The following PROSER2 variants were observed in gnomAD, a reference collection of about 807,000 sequenced individuals.
PROSER2 encodes proline and serine-rich protein 2.
Under a neutral mutation model 14.6 loss-of-function variants are expected in PROSER2, and 18 were observed. The ratio of observed to expected loss-of-function variants is 1.23; its 90% CI spans 0.85 to 1.83. PROSER2 has a LOEUF of 1.83. Ranked by LOEUF, PROSER2 falls within the 40% of genes most tolerant of loss-of-function variation. PROSER2 has a pLI of 0.00. For missense variants in PROSER2, 823 were observed against 629.8 expected, an observed-to-expected ratio of 1.31 and a Z score of -3.28; for synonymous variants, 367 against 286.4, an observed-to-expected ratio of 1.28 and a Z score of -2.84.
intron 2 of PROSER2, among the ~76,000 whole-genome samples, chr10:11,858,190 A>G (rs1196401875): frequency 6.6e-6 from 1 of 152,132 alleles, no homozygotes; most frequent in Admixed American, 6.6e-5. Flanking sequence ...TCGGCCTCTC[A>G]GAGTGCTAGG....
intron 1 of PROSER2, among the ~76,000 whole-genome samples, chr10:11,828,676 C>G (rs1206060075): frequency 1.3e-5 from 2 of 152,184 alleles, no homozygotes; most frequent in Non-Finnish European, 2.9e-5. Flanking sequence ...ACACTCCAAC[C>G]TGGACGACAG....
rs148477384 is a variant in PROSER2, at chr10:11,866,529, A to G, written c.139-2A>G. ...CTTCTGTTCCCAATCCCTGTACTCTAGGATGATGAGAGCCTGAAGTACCTC... is the reference window on the plus strand; with the variant it reads ...CTTCTGTTCCCAATCCCTGTACTCTGGGATGATGAGAGCCTGAAGTACCTC... On this transcript the variant is annotated splice_acceptor_variant, in intron 2 of 3. Transcript: ENST00000277570. LOFTEE classifies it high-confidence loss of function. The surrounding 1 kb of genome is among the most constrained non-coding windows in gnomAD (Gnocchi z 6.0). 6.8e-6 allele frequency: 11 copies of G among 1,613,916 alleles called. No individual in the cohort carries two copies. In the South Asian group the frequency reaches 1.1e-4, roughly 16 times the overall value.
In PROSER2 at chr10:11,870,450, A is replaced by G. The variant is rs1490465446; in HGVS notation, c.*44A>G. The G allele has an allele frequency of 3.6e-6, 5 of 1,385,670 alleles. No individual in the cohort carries two copies. In the South Asian group the frequency reaches 4.7e-5, roughly 13 times the overall value. 85.8% of individuals were successfully genotyped at this position (1,385,670 alleles called of 1,614,324 possible). A position where few individuals can be genotyped will look rare whatever the true frequency, so the allele number is the denominator to read the frequency against. On this transcript the variant is annotated 3_prime_UTR_variant, in exon 4 of 4. Coordinates refer to ENST00000277570, the MANE Select transcript of PROSER2 (RefSeq NM_153256.4). ...TCCACCCCGTTTCTCCCCACCCTGA[A>G]GAGAGGGTGAAAGAGTCGCTGCACC... is the stretch of plus-strand genomic sequence containing the variant.
chr10:11,866,668 G>A lies in PROSER2; in HGVS notation c.276G>A (p.Pro92=), dbSNP rs61735192. 6.9e-4 allele frequency: 1,109 copies of A among 1,614,124 alleles called. 5 individuals carry two copies. In the African/African-American group the frequency reaches 0.011, roughly 16 times the overall value. The change falls in exon 3 of 4, where the codon CCG becomes CCA. Residue 92 remains proline, a synonymous_variant. Transcript: ENST00000277570. The surrounding 1 kb of genome is among the most constrained non-coding windows in gnomAD (Gnocchi z 6.0). ...GAGGAGTGTGCTGCCTCTGCTCCCC[G>A]TCTCTGGAGGAGAGCACCTCCAGTC... ...CDGGVCCLCS[P]SLEESTSSPS... is the part of the protein sequence containing the mutation.
Position 11,866,756 on chromosome 10 carries a change from G to T in PROSER2, c.364G>T (p.Gly122Cys). 1.9e-6 allele frequency: 3 copies of T among 1,612,662 alleles called. No individual in the cohort carries two copies. Among genetic ancestry groups the T allele is most frequent in the African/African-American group, 2.7e-5 (2 of 75,010 alleles). ...AGCACCTGGCGCCGGGGAAGCCGAG[G>T]GCCTTCCAGAGGGGACCCAGGCAGC... is the stretch of plus-strand genomic sequence containing the variant. ...QPAPGAGEAE[G>C]LPEGTQAAGP... The change falls in exon 3 of 4, where the codon GGC (glycine) becomes TGC (cysteine). Residue 122 changes from glycine to cysteine, a missense_variant. Transcript: ENST00000277570. The surrounding 1 kb of genome is among the most constrained non-coding windows in gnomAD (Gnocchi z 6.0).
chr10:11,827,826 G>A (rs968419194), intron 1 of PROSER2, among the ~76,000 whole-genome samples: 3 of 151,838 alleles, frequency 2.0e-5, no homozygotes, highest in African/African-American at 4.8e-5. Flanking sequence ...CTACGGGTGC[G>A]TGCCACCATG....
chr10:11,845,626 C>G (rs549950208), intron 1 of PROSER2, among the ~76,000 whole-genome samples: 1 of 152,264 alleles, frequency 6.6e-6, no homozygotes, highest in South Asian at 2.1e-4. Context: ...CACTCGGTAG[C>G]TGTTAGCACC....
At chr10:11,833,235 CTTTTTTTT>C (rs5783233) in intron 1 of PROSER2, among the ~76,000 whole-genome samples, 2 of 87,668 alleles carry the variant, frequency 2.3e-5, no homozygotes, top group East Asian at 5.2e-4. Context: ...AATGTTGTGG[CTTTTTTTT>C]TTTTTTTTTT....
At chr10:11,835,553 A>G (rs1324085123) in intron 1 of PROSER2, among the ~76,000 whole-genome samples, 2 of 152,296 alleles carry the variant, frequency 1.3e-5, no homozygotes, top group South Asian at 4.1e-4. Context: ...GTTTCCTTCA[A>G]TTTATGAATT....
rs913169080 is a variant in PROSER2 at position 11,823,925 on chromosome 10, C to G, written c.-82+455C>G. On this transcript the variant is annotated intron_variant, in intron 1 of 3. Coordinates refer to ENST00000277570, the MANE Select transcript of PROSER2 (RefSeq NM_153256.4). This position sits in a 1 kb window ranked among gnomAD's most constrained non-coding sequence, Gnocchi z 6.2. Reference sequence around the variant, plus strand: ...GGCGGGCGGAGCCACCTGTTCCACCCGGGCCCCCAGGTCCTGGAATCACGC... The same window carrying G: ...GGCGGGCGGAGCCACCTGTTCCACCGGGGCCCCCAGGTCCTGGAATCACGC... Among the ~76,000 whole-genome samples, 1 of 152,158 alleles carries G rather than the reference C, an allele frequency of 6.6e-6. No homozygotes were observed. The highest frequency in any genetic ancestry group is 1.5e-5 in the Non-Finnish European group (1 of 68,018).
At chr10:11,833,140 G>A (rs560519919) in intron 1 of PROSER2, among the ~76,000 whole-genome samples, 14 of 151,358 alleles carry the variant, frequency 9.2e-5, no homozygotes, top group African/African-American at 2.2e-4. Flanking sequence ...CATTGTACCC[G>A]GCTGGTTTTA....
chr10:11,826,016 A>G (rs963057048), intron 1 of PROSER2, among the ~76,000 whole-genome samples: 1 of 152,026 alleles, frequency 6.6e-6, no homozygotes, highest in Non-Finnish European at 1.5e-5. Context: ...AAGGAAACCC[A>G]TTAAGCAGAC....
intron 1 of PROSER2, among the ~76,000 whole-genome samples, chr10:11,846,250 G>A (rs569676022): frequency 1.3e-5 from 2 of 152,156 alleles, no homozygotes; most frequent in Non-Finnish European, 2.9e-5. Context: ...GCCTCCCATA[G>A]TGCTGGGATT....
At chr10:11,827,194 CAA>C (rs149113428) in intron 1 of PROSER2, among the ~76,000 whole-genome samples, 4 of 98,348 alleles carry the variant, frequency 4.1e-5, no homozygotes, top group African/African-American at 3.9e-5. Flanking sequence ...CCTTCCTTTA[CAA>C]AAAAAAAAAA....
chr10:11,857,059 A>G (rs1440159626), intron 2 of PROSER2, among the ~76,000 whole-genome samples: 2 of 152,138 alleles, frequency 1.3e-5, no homozygotes, highest in African/African-American at 2.4e-5. Context: ...CATTTCATAC[A>G]TGCCTACTGC....
intron 1 of PROSER2, among the ~76,000 whole-genome samples, chr10:11,829,703 C>T (rs1268582735): frequency 1.3e-5 from 2 of 152,128 alleles, no homozygotes; most frequent in Non-Finnish European, 2.9e-5. Flanking sequence ...CCTCCATCTA[C>T]ACCAGGTAAC....
rs1242022821 is a variant in PROSER2, at chr10:11,871,173, C to T, written c.*767C>T. On this transcript the variant is annotated 3_prime_UTR_variant, in exon 4 of 4. Coordinates refer to ENST00000277570, the MANE Select transcript of PROSER2 (RefSeq NM_153256.4). The stretch of plus-strand genomic sequence containing the variant: ...AGGTATCCTGTGTGTCCACATGCAT[C>T]ATTATTATATAAATAGAAACTTCTG... The T allele has an allele frequency of 6.6e-6, 1 of 152,200 alleles. No homozygotes were observed. The highest frequency in any genetic ancestry group is 1.5e-5 in the Non-Finnish European group (1 of 68,042). 9.4% of individuals were successfully genotyped at this position (152,200 alleles called of 1,614,324 possible).
chr10:11,865,807 G>A lies in PROSER2; in HGVS notation c.139-724G>A, dbSNP rs536990960. Among the ~76,000 whole-genome samples the A allele has an allele frequency of 4.1e-4, 63 of 152,226 alleles. No homozygotes were observed. The highest frequency in any genetic ancestry group is 7.6e-4 in the Non-Finnish European group (52 of 68,010). On this transcript the variant is annotated intron_variant, in intron 2 of 3. Coordinates refer to ENST00000277570, the MANE Select transcript of PROSER2 (RefSeq NM_153256.4). This position sits in a 1 kb window ranked among gnomAD's most constrained non-coding sequence, Gnocchi z 4.2. ...GAGAGTAACTGGCGAGTTTTGTGCC[G>A]GGATGAGCTCATTGCTTCTGAAAGA... is the stretch of plus-strand genomic sequence containing the variant.
chr10:11,860,439 AC>A (rs1223110782), intron 2 of PROSER2, among the ~76,000 whole-genome samples: 2 of 151,520 alleles, frequency 1.3e-5, no homozygotes, highest in African/African-American at 2.4e-5. Context: ...GCATGGTGAA[AC>A]CCCCGTCTCT....
Sources: gnomAD v4.1 joint callset for allele counts (sites outside exome capture counted in the v4.1 genomes callset) on GRCh38, gnomAD v4.1.1 for gene constraint, Gnocchi (gnomAD v3.1) non-coding constraint, MANE v1.5 for transcripts, NCBI Gene and HGNC (gene_info 2026-07-23, HGNC 2026-07-21) for gene names.